The following RUNX2 variants were observed in gnomAD, a reference collection of about 807,000 sequenced individuals.
The protein encoded by RUNX2 is RUNX family transcription factor 2.
In RUNX2, 10 loss-of-function variants were observed where a neutral mutation model predicts 51.7. The observed-to-expected ratio is 0.19, with a 90% confidence interval of 0.12 to 0.33. RUNX2 has a LOEUF of 0.33. Among genes scored for constraint, RUNX2 ranks in the 10% least tolerant of loss-of-function variants. The pLI is 1.00. For synonymous variants in RUNX2, 276 were observed against 273.6 expected (o/e 1.01, Z -0.09); for missense variants, 562 against 691.3 (o/e 0.81, Z 2.10).
intron 7 of RUNX2, among the ~76,000 whole-genome samples, chr6:45,525,863 G>A (rs1171103944): frequency 6.6e-6 from 1 of 151,850 alleles, no homozygotes; most frequent in Non-Finnish European, 1.5e-5. Flanking sequence ...GGGGTGGTGC[G>A]TGCCTGTAGT....
chr6:45,345,753 G>A (rs941870680), intron 2 of RUNX2, among the ~76,000 whole-genome samples: 12 of 152,146 alleles, frequency 7.9e-5, no homozygotes, highest in Admixed American at 1.3e-4. Flanking sequence ...AATGCACACC[G>A]TACCTTTATC....
intron 5 of RUNX2, among the ~76,000 whole-genome samples, chr6:45,450,532 C>T (rs1411740950): frequency 6.6e-6 from 1 of 152,178 alleles, no homozygotes; most frequent in Admixed American, 6.5e-5. Context: ...TCTCTATAAT[C>T]ACATCTAATT....
intron 2 of RUNX2, among the ~76,000 whole-genome samples, chr6:45,409,484 G>A (rs868263439): frequency 6.6e-5 from 10 of 152,208 alleles, no homozygotes; most frequent in South Asian, 2.1e-4. Flanking sequence ...GACATACAAC[G>A]TATTATAATT....
At chr6:45,438,722 C>T (rs1172486882) in intron 5 of RUNX2, among the ~76,000 whole-genome samples, 1 of 152,116 alleles carries the variant, frequency 6.6e-6, no homozygotes, top group Non-Finnish European at 1.5e-5. Flanking sequence ...CTACTTGGGC[C>T]AATATGTATG....
chr6:45,533,056 A>G (rs1393062713), intron 7 of RUNX2, among the ~76,000 whole-genome samples: 1 of 152,000 alleles, frequency 6.6e-6, no homozygotes, highest in Admixed American at 6.6e-5. Context: ...CCACAAACAG[A>G]TGTTGAAAAT....
chr6:45,533,142 G>T (rs945840280), intron 7 of RUNX2, among the ~76,000 whole-genome samples: 3 of 151,962 alleles, frequency 2.0e-5, no homozygotes, highest in African/African-American at 7.3e-5. Flanking sequence ...AGGGGTGTGT[G>T]TGTGTGTGTG....
chr6:45,373,085 T>C (rs557991000), intron 2 of RUNX2, among the ~76,000 whole-genome samples: 23 of 151,834 alleles, frequency 1.5e-4, no homozygotes, highest in African/African-American at 4.8e-5. Flanking sequence ...GGGATTACAG[T>C]TGTGAGTCAC....
intron 4 of RUNX2, 54 bp from the exon 5 acceptor site, chr6:45,437,893 C>T: frequency 7.8e-7 from 1 of 1,285,514 alleles, no homozygotes; most frequent in East Asian, 2.3e-5. Context: ...GCTGTGTAAT[C>T]ATCAACACTG....
intron 7 of RUNX2, among the ~76,000 whole-genome samples, chr6:45,544,796 C>T (rs926520223): frequency 2.0e-5 from 3 of 152,158 alleles, no homozygotes; most frequent in African/African-American, 4.8e-5. Context: ...CTGTATTGTA[C>T]GAGGCAGGGC....
At chr6:45,539,596 AGAAAATTGGTCCCTTAGAACCTCAGTGTG>A (rs1802153845) in intron 7 of RUNX2, among the ~76,000 whole-genome samples, 1 of 152,228 alleles carries the variant, frequency 6.6e-6, no homozygotes, top group Non-Finnish European at 1.5e-5. Flanking sequence ...AGGGAAATTT[AGAAAATTGGTCCCTTAGAACCTCAGTGTG>A]GAAAATGCAA....
intron 2 of RUNX2, among the ~76,000 whole-genome samples, chr6:45,413,331 GAC>G (rs149288886): frequency 0.027 from 4,036 of 150,982 alleles, 131 homozygotes; most frequent in East Asian, 0.1. Context: ...GTAAGCACAG[GAC>G]ACACACACAC....
chr6:45,344,693 C>T (rs949083574), intron 2 of RUNX2, among the ~76,000 whole-genome samples: 1 of 152,006 alleles, frequency 6.6e-6, no homozygotes, highest in Non-Finnish European at 1.5e-5. Flanking sequence ...TAAACTAGCT[C>T]TTCATGGTTG....
At chr6:45,403,315 A>T (rs1355316121) in intron 2 of RUNX2, among the ~76,000 whole-genome samples, 1 of 148,250 alleles carries the variant, frequency 6.7e-6, no homozygotes, top group Non-Finnish European at 1.5e-5. Flanking sequence ...CTCACTGCAA[A>T]CTCCGCCTCC....
intron 5 of RUNX2, among the ~76,000 whole-genome samples, chr6:45,457,258 T>G (rs1799342802): frequency 6.6e-6 from 1 of 152,176 alleles, no homozygotes; most frequent in South Asian, 2.1e-4. Flanking sequence ...GCCTTTTTAG[T>G]GTAGCAGCTT....
intron 2 of RUNX2, among the ~76,000 whole-genome samples, chr6:45,383,931 A>G (rs569520143): frequency 6.6e-6 from 1 of 152,358 alleles, no homozygotes; most frequent in South Asian, 2.1e-4. Context: ...GTAATCAGGG[A>G]ACTGTACCAA....
intron 2 of RUNX2, among the ~76,000 whole-genome samples, chr6:45,407,823 T>G (rs1251312848): frequency 6.7e-6 from 1 of 148,616 alleles, no homozygotes; most frequent in Non-Finnish European, 1.5e-5. Flanking sequence ...TAATGGTGTA[T>G]TTTTTTTTTG....
chr6:45,385,965 CA>C (rs1326810104), intron 2 of RUNX2, among the ~76,000 whole-genome samples: 1 of 152,128 alleles, frequency 6.6e-6, no homozygotes, highest in Non-Finnish European at 1.5e-5. Flanking sequence ...TCCTCACCCA[CA>C]AATTCTTATT....
chr6:45,489,618 T>C (rs1292624882), intron 5 of RUNX2, among the ~76,000 whole-genome samples: 2 of 152,094 alleles, frequency 1.3e-5, no homozygotes, highest in East Asian at 1.9e-4. Flanking sequence ...TTAAGAAAAA[T>C]AACTTCCAGG....
At chr6:45,352,609 A>G (rs992218647) in intron 2 of RUNX2, among the ~76,000 whole-genome samples, 6 of 152,152 alleles carry the variant, frequency 3.9e-5, no homozygotes, top group Admixed American at 6.5e-5. Context: ...TTATGCTTCT[A>G]TGATTCACTA....
Sources: allele counts gnomAD v4.1 joint callset (sites outside exome capture counted in the v4.1 genomes callset), GRCh38; gene constraint gnomAD v4.1.1; transcripts MANE v1.5; gene names NCBI Gene and HGNC (gene_info 2026-07-23, HGNC 2026-07-21).